The following CELF4 variants were observed in gnomAD, a reference collection of about 807,000 sequenced individuals.
The protein encoded by CELF4 is CUGBP Elav-like family member 4.
Under a neutral mutation model 59.9 loss-of-function variants are expected in CELF4, and 18 were observed. That is an observed-to-expected ratio of 0.30 (90% CI 0.21 to 0.45). The LOEUF is 0.45. Among genes scored for constraint, CELF4 ranks in the 20% least tolerant of loss-of-function variants. CELF4 has a pLI of 1.00. For synonymous variants in CELF4, 261 were observed against 267.1 expected (o/e 0.98, Z 0.22); for missense variants, 456 against 689.0 (o/e 0.66, Z 3.79).
chr18:37,460,367 C>T (rs140316599), intron 2 of CELF4, among the ~76,000 whole-genome samples: 2 of 152,280 alleles, frequency 1.3e-5, no homozygotes, highest in Non-Finnish European at 2.9e-5. Flanking sequence ...CTGAATTACC[C>T]TTGTTTCTTT....
At chr18:37,472,880 A>T (rs879312538) in intron 2 of CELF4, among the ~76,000 whole-genome samples, 1 of 152,216 alleles carries the variant, frequency 6.6e-6, no homozygotes, top group Non-Finnish European at 1.5e-5. Context: ...GACTGGTTCT[A>T]TGCGGGCATT....
chr18:37,495,514 A>C (rs11663688), intron 1 of CELF4, among the ~76,000 whole-genome samples: 33,637 of 152,088 alleles, frequency 0.22, 4,584 homozygotes, highest in Admixed American at 0.36. Context: ...TCAGCACATA[A>C]GAATCACACC....
At chr18:37,316,618 C>T (rs1449432112) in intron 3 of CELF4, among the ~76,000 whole-genome samples, 1 of 152,104 alleles carries the variant, frequency 6.6e-6, no homozygotes, top group East Asian at 1.9e-4. Context: ...TGTGTCCTCA[C>T]TGTATCCCAG....
intron 2 of CELF4, among the ~76,000 whole-genome samples, chr18:37,466,229 C>T (rs2099808362): frequency 6.6e-6 from 1 of 152,218 alleles, no homozygotes; most frequent in African/African-American, 2.4e-5. Flanking sequence ...CTGCAGGCCA[C>T]AGAGCTGAGA....
At chr18:37,545,606 G>T (rs1312524321) in intron 1 of CELF4, among the ~76,000 whole-genome samples, 5 of 152,182 alleles carry the variant, frequency 3.3e-5, no homozygotes, top group African/African-American at 1.2e-4. Context: ...CTCAGGACAC[G>T]TTGCTTCCAA....
intron 3 of CELF4, among the ~76,000 whole-genome samples, chr18:37,278,528 C>T (rs1426088132): frequency 6.6e-6 from 1 of 152,196 alleles, no homozygotes; most frequent in African/African-American, 2.4e-5. Flanking sequence ...TCCCCTGCTC[C>T]ACAACTGAGT....
intron 2 of CELF4, among the ~76,000 whole-genome samples, chr18:37,369,404 T>C (rs972235611): frequency 1.3e-5 from 2 of 152,176 alleles, no homozygotes; most frequent in Admixed American, 6.6e-5. Flanking sequence ...GAGGAACCTA[T>C]GAGTGGCTCT....
chr18:37,325,303 G>C (rs1328563765), intron 2 of CELF4, among the ~76,000 whole-genome samples: 1 of 152,208 alleles, frequency 6.6e-6, no homozygotes, highest in East Asian at 1.9e-4. Context: ...CTGGCACCTT[G>C]TTTCTGTGTT....
intron 2 of CELF4, among the ~76,000 whole-genome samples, chr18:37,385,679 C>G (rs1241143989): frequency 6.6e-6 from 1 of 152,174 alleles, no homozygotes; most frequent in African/African-American, 2.4e-5. Flanking sequence ...TCCCTGACCT[C>G]CTGTCCAGAA....
intron 11 of CELF4, among the ~76,000 whole-genome samples, chr18:37,257,275 G>C (rs1420946040): frequency 6.6e-6 from 1 of 152,120 alleles, no homozygotes. Context: ...GAGCTTCCTG[G>C]GCTCTCAGCA....
intron 2 of CELF4, among the ~76,000 whole-genome samples, chr18:37,361,498 G>C (rs1359178496): frequency 6.6e-6 from 1 of 152,118 alleles, no homozygotes; most frequent in Admixed American, 6.5e-5. Context: ...TTGTGTTAAC[G>C]ACTTCCAAAG....
chr18:37,463,592 C>T (rs2154602257), intron 2 of CELF4, among the ~76,000 whole-genome samples: 1 of 152,300 alleles, frequency 6.6e-6, no homozygotes. Context: ...AAGGGTCCTG[C>T]CTGCCCCTGT....
chr18:37,388,653 A>G (rs1198619021), intron 2 of CELF4, among the ~76,000 whole-genome samples: 2 of 152,180 alleles, frequency 1.3e-5, no homozygotes, highest in Non-Finnish European at 2.9e-5. Context: ...ATAATGGGCC[A>G]TACGAGAAGT....
rs1302774518 is a variant in CELF4, at chr18:37,352,948, G to A, written c.370-31067C>T. On this transcript the variant is annotated intron_variant, in intron 2 of 12. Transcript: ENST00000420428. ...AACAAGAACCCTTTCTTGGCCGGGC[G>A]CGGTAGCTCACGCCTGTAATCCCAG... is the stretch of plus-strand genomic sequence containing the variant. Among the ~76,000 whole-genome samples, 8 of 152,058 alleles carry A rather than the reference G, an allele frequency of 5.3e-5. 1 individual carries two copies. The highest frequency in any genetic ancestry group is 1.9e-4 in the East Asian group (1 of 5,164).
chr18:37,249,002 T>C (rs1009703363), intron 12 of CELF4, among the ~76,000 whole-genome samples: 1 of 152,082 alleles, frequency 6.6e-6, no homozygotes, highest in African/African-American at 2.4e-5. Context: ...AATATCACTG[T>C]GGATGAGGGG....
At chr18:37,518,071 G>T (rs1010053299) in intron 1 of CELF4, among the ~76,000 whole-genome samples, 1 of 152,078 alleles carries the variant, frequency 6.6e-6, no homozygotes, top group Admixed American at 6.5e-5. Flanking sequence ...GCCATGGGGA[G>T]ACCTGACCAG....
At chr18:37,455,523 C>T (rs1329215758) in intron 2 of CELF4, among the ~76,000 whole-genome samples, 2 of 152,174 alleles carry the variant, frequency 1.3e-5, no homozygotes, top group Admixed American at 6.5e-5. Context: ...AATGAGAAGC[C>T]CCTCTCTTTC....
chr18:37,492,485 G>T (rs79209035), intron 1 of CELF4, among the ~76,000 whole-genome samples: 4,713 of 152,234 alleles, frequency 0.031, 115 homozygotes, highest in Non-Finnish European at 0.05. Context: ...TGGGAAGAGG[G>T]TTACTGATGT....
chr18:37,545,928 G>C (rs1008722985), intron 1 of CELF4, among the ~76,000 whole-genome samples: 10 of 152,172 alleles, frequency 6.6e-5, no homozygotes, highest in Admixed American at 6.5e-4. Context: ...AAGTGGCGAG[G>C]TCTCTGGAGG....
Sources: gnomAD v4.1 joint callset for allele counts (sites outside exome capture counted in the v4.1 genomes callset) on GRCh38, gnomAD v4.1.1 for gene constraint, MANE v1.5 for transcripts, NCBI Gene and HGNC (gene_info 2026-07-23, HGNC 2026-07-21) for gene names.